The following EYA1 variants were observed in gnomAD, a reference collection of about 807,000 sequenced individuals.
EYA1 encodes the protein protein phosphatase EYA1.
In EYA1, 16 loss-of-function variants were observed where a neutral mutation model predicts 82.0. That is an observed-to-expected ratio of 0.20 (90% CI 0.13 to 0.30). The LOEUF (loss-of-function observed/expected upper bound fraction) is 0.30. Ranked by LOEUF, EYA1 falls within the 10% of genes least tolerant of loss-of-function variation. The probability of loss-of-function intolerance (pLI) is 1.00; values close to 1 mark genes in which losing one functional copy is unlikely to be tolerated. For missense variants in EYA1, 633 were observed against 730.7 expected (o/e 0.87, Z 1.54); for synonymous variants, 261 against 264.4 (o/e 0.99, Z 0.12).
chr8:71,332,053 G>C (rs13273308), intron 4 of EYA1, among the ~76,000 whole-genome samples: 1 of 152,014 alleles, frequency 6.6e-6, no homozygotes, highest in African/African-American at 2.4e-5. Flanking sequence ...AGGTCTCCCT[G>C]TGTTGTCCAG....
chr8:71,236,141 T>A (rs901055608), intron 12 of EYA1, among the ~76,000 whole-genome samples: 1 of 152,176 alleles, frequency 6.6e-6, no homozygotes, highest in Non-Finnish European at 1.5e-5. Context: ...CCGGGTTTGA[T>A]TCTCCTGCCT....
At chr8:71,465,803 G>A (rs4370566) in intron 2 of EYA1, among the ~76,000 whole-genome samples, 26,038 of 152,048 alleles carry the variant, frequency 0.17, 4,035 homozygotes, top group East Asian at 0.48. Flanking sequence ...TGGGGTATTT[G>A]TGAAAAGTTT....
intron 2 of EYA1, among the ~76,000 whole-genome samples, chr8:71,495,702 G>A (rs1281975185): frequency 2.0e-5 from 3 of 152,184 alleles, no homozygotes; most frequent in Non-Finnish European, 4.4e-5. Context: ...ACAACATTCT[G>A]TAGTGGTTAT....
At chr8:71,270,405 C>T (rs955778872) in intron 10 of EYA1, among the ~76,000 whole-genome samples, 22 of 152,080 alleles carry the variant, frequency 1.4e-4, no homozygotes, top group African/African-American at 5.3e-4. Flanking sequence ...AGATATTTAA[C>T]AAAATAAGCA....
chr8:71,347,971 T>C (rs1299601843), intron 3 of EYA1, among the ~76,000 whole-genome samples: 3 of 151,362 alleles, frequency 2.0e-5, no homozygotes, highest in Admixed American at 6.6e-5. Flanking sequence ...CACTTATAAA[T>C]TGTGGGTCCT....
chr8:71,518,360 C>T (rs1215842178), intron 2 of EYA1, among the ~76,000 whole-genome samples: 1 of 152,122 alleles, frequency 6.6e-6, no homozygotes, highest in Non-Finnish European at 1.5e-5. Context: ...TCTTTTCCAA[C>T]GTCTATTTCT....
intron 2 of EYA1, among the ~76,000 whole-genome samples, chr8:71,421,946 G>A (rs923872057): frequency 2.6e-5 from 4 of 152,166 alleles, no homozygotes; most frequent in South Asian, 2.1e-4. Context: ...AAGTATCGGC[G>A]TCAGTATTCA....
chr8:71,275,425 G>C lies in EYA1; in HGVS notation c.827-3528C>G, dbSNP rs554973895. ...ATTTGAAGGGGCTGTGGGCATCCAA[G>C]TAGAGATGTCCAGTAGGCTGCTAGA... is the stretch of plus-strand genomic sequence containing the variant. On this transcript the variant is annotated intron_variant, in intron 9 of 17. Transcript: ENST00000340726. Among the ~76,000 whole-genome samples, 11 of 152,296 alleles carry C rather than the reference G, an allele frequency of 7.2e-5. No individual in the cohort carries two copies. The East Asian group carries it at 2.1e-3, about 29-fold the overall frequency.
At chr8:71,366,660 T>C (rs1487866536), upstream of EYA1, among the ~76,000 whole-genome samples, 1 of 152,246 alleles carries the variant, frequency 6.6e-6, no homozygotes, top group Non-Finnish European at 1.5e-5. Context: ...TTAGCATTTA[T>C]GAAGTGCTTA....
chr8:71,258,305 G>A (rs1814684740), intron 11 of EYA1, among the ~76,000 whole-genome samples: 1 of 152,218 alleles, frequency 6.6e-6, no homozygotes, highest in Admixed American at 6.5e-5. Flanking sequence ...ACTCAGGCAG[G>A]AGAGAGGTGT....
intron 17 of EYA1, among the ~76,000 whole-genome samples, chr8:71,207,331 T>C (rs1807922235): frequency 6.6e-6 from 1 of 152,196 alleles, no homozygotes; most frequent in Admixed American, 6.5e-5. Context: ...ACTAGTTAAC[T>C]TGAAAAGGCT....
chr8:71,460,199 A>G lies in EYA1; in HGVS notation c.33+75545T>C, dbSNP rs72655721. Among the ~76,000 whole-genome samples, 1,133 of 152,288 alleles carry G rather than the reference A, an allele frequency of 7.4e-3. 6 individuals carry two copies. Among genetic ancestry groups the G allele is most frequent in the Non-Finnish European group, 0.011 (730 of 68,008 alleles). The stretch of plus-strand genomic sequence containing the variant: ...ATAATAATTTGTGATAAAGTTCTGA[A>G]ATAGCAGTGTGCTCAAATCACCAAA... On this transcript the variant is annotated intron_variant, in intron 2 of 18. Coordinates refer to the EYA1 transcript ENST00000643681.
At chr8:71,437,930 G>T (rs753537180) in intron 2 of EYA1, among the ~76,000 whole-genome samples, 1 of 152,052 alleles carries the variant, frequency 6.6e-6, no homozygotes, top group Non-Finnish European at 1.5e-5. Flanking sequence ...AAGTATTAAA[G>T]AATGATTACT....
intron 2 of EYA1, among the ~76,000 whole-genome samples, chr8:71,422,290 T>C (rs1831187775): frequency 6.6e-6 from 1 of 152,194 alleles, no homozygotes; most frequent in Non-Finnish European, 1.5e-5. Context: ...ACTTTCCTAA[T>C]CCTTCCTCCT....
At chr8:71,221,579 T>C (rs1291841162) in intron 12 of EYA1, among the ~76,000 whole-genome samples, 1 of 152,190 alleles carries the variant, frequency 6.6e-6, no homozygotes, top group Non-Finnish European at 1.5e-5. Context: ...TAAACATTTC[T>C]ATTTAGCCAA....
chr8:71,450,119 T>C (rs1411555945), intron 2 of EYA1, among the ~76,000 whole-genome samples: 1 of 152,244 alleles, frequency 6.6e-6, no homozygotes, highest in Non-Finnish European at 1.5e-5. Context: ...ATAGGCTCTT[T>C]TGTTTTCTTA....
At chr8:71,281,103 A>G (rs191831636) in intron 9 of EYA1, among the ~76,000 whole-genome samples, 127 of 152,326 alleles carry the variant, frequency 8.3e-4, no homozygotes, top group Non-Finnish European at 2.4e-4. Flanking sequence ...TTTAAAAACA[A>G]TCTTTGAAAC....
chr8:71,202,061 T>C (rs1313964186), intron 17 of EYA1, among the ~76,000 whole-genome samples: 2 of 152,188 alleles, frequency 1.3e-5, no homozygotes, highest in African/African-American at 4.8e-5. Flanking sequence ...AAAATACTTG[T>C]GCAAAGTGGA....
At chr8:71,405,130 A>G (rs1370509921) in intron 2 of EYA1, among the ~76,000 whole-genome samples, 2 of 152,150 alleles carry the variant, frequency 1.3e-5, no homozygotes, top group Non-Finnish European at 1.5e-5. Flanking sequence ...TACACGTTCC[A>G]GAAAGGTAAA....
Sources: gnomAD v4.1 joint callset for allele counts (sites outside exome capture counted in the v4.1 genomes callset) on GRCh38, gnomAD v4.1.1 for gene constraint, MANE v1.5 for transcripts, NCBI Gene and HGNC (gene_info 2026-07-23, HGNC 2026-07-21) for gene names.